Variants in POTEI observed in about 807,000 individuals in gnomAD.
POTEI encodes POTE ankyrin domain family, member I.
POTEI carries 14 observed loss-of-function variants against 43.4 expected under a neutral mutation model. That is an observed-to-expected ratio of 0.32 (90% confidence interval 0.21 to 0.50). POTEI has a LOEUF of 0.50. Ranked by LOEUF, POTEI falls within the 20% of genes least tolerant of loss-of-function variation. The pLI, the probability that POTEI is intolerant of heterozygous loss-of-function variation, is 0.98. For missense variants in POTEI, 235 were observed against 795.4 expected (o/e 0.30, Z 8.47); for synonymous variants, 95 against 297.9 (o/e 0.32, Z 7.01).
At chr2:130,464,794 C>T (rs1682786086) in intron 14 of POTEI, among the ~76,000 whole-genome samples, 1 of 148,682 alleles carries the variant, frequency 6.7e-6, no homozygotes, top group Non-Finnish European at 1.5e-5. Context: ...ACACTGAACT[C>T]ATTTAAGATC....
chr2:130,461,594 C>T lies in POTEI; in HGVS notation c.*1222G>A, dbSNP rs1354657349. The T allele has an allele frequency of 6.6e-6, 1 of 152,172 alleles. No homozygotes were observed. The highest frequency in any genetic ancestry group is 1.5e-5 in the Non-Finnish European group (1 of 68,050). The allele number at this position is 152,172 out of a possible 1,614,324, so 9.4% of individuals were successfully genotyped here. The stretch of plus-strand genomic sequence containing the variant: ...AGCAAAGGTGGGGGCCTGCCCCTCT[C>T]CGGGAGCTCTGTCCCAGGAACATTT... On this transcript the variant is annotated 3_prime_UTR_variant, in exon 15 of 15. Coordinates refer to ENST00000451531, the MANE Select transcript of POTEI (RefSeq NM_001277406.2).
rs200337322 is a variant in POTEI at position 130,463,640 on chromosome 2, G to T, written c.2404C>A (p.Pro802Thr). ...NELRVAPEEH[P>T]ILLTEAPLNP... is the part of the protein sequence containing the mutation. ...AGGGGGGCCTCGGTCAGCAGGATGG[G>T]GTGCTCCTCAGGGGCCACACGCAGC... The change falls in exon 15 of 15, where the codon CCC (proline) becomes ACC (threonine). Residue 802 changes from proline to threonine, a missense_variant. Coordinates refer to ENST00000451531, the MANE Select transcript of POTEI (RefSeq NM_001277406.2). 253 of 1,607,514 alleles carry T rather than the reference G, an allele frequency of 1.6e-4. No homozygotes were observed. Among genetic ancestry groups the T allele is most frequent in the Non-Finnish European group, 2.0e-4 (234 of 1,179,480 alleles).
At chr2:130,483,339 G>A (rs1175608886) in intron 9 of POTEI, among the ~76,000 whole-genome samples, 9 of 35,844 alleles carry the variant, frequency 2.5e-4, no homozygotes, top group African/African-American at 5.3e-4. Flanking sequence ...CAGCCTGGGC[G>A]ATACAGTGAG....
intron 13 of POTEI, among the ~76,000 whole-genome samples, chr2:130,468,704 G>GTA (rs780514042): frequency 1.3e-5 from 1 of 76,154 alleles, no homozygotes; most frequent in Non-Finnish European, 2.5e-5. Context: ...CCAAACTATT[G>GTA]GGGGGGGGGG....
intron 6 of POTEI, among the ~76,000 whole-genome samples, chr2:130,491,816 T>A (rs1816692): frequency 5.2e-5 from 5 of 95,908 alleles, no homozygotes; most frequent in Admixed American, 1.3e-4. Flanking sequence ...CATCATGCCC[T>A]GCTAATTTTC....
rs1226743977 is a variant in POTEI, at chr2:130,477,703, C to G, written c.1481-1002G>C. On this transcript the variant is annotated intron_variant, in intron 10 of 14. Coordinates refer to ENST00000451531, the MANE Select transcript of POTEI (RefSeq NM_001277406.2). ...ATATTTTATTGAGTCCTGCTAAATA[C>G]ATGCTAGGCATTAGGGTTTAAAAAG... 7.5e-5 allele frequency among the ~76,000 whole-genome samples: 10 copies of G among 133,652 alleles called. No homozygotes were observed. The East Asian group carries it at 1.4e-3, about 18-fold the overall frequency. 87.7% of individuals were successfully genotyped at this position (133,652 alleles called of 152,430 possible). A position where few individuals can be genotyped will look rare whatever the true frequency, so the allele number is the denominator to read the frequency against.
At chr2:130,474,747 A>G (rs1384515790) in intron 12 of POTEI, among the ~76,000 whole-genome samples, 160 bp downstream of exon 12, 9 of 97,544 alleles carry the variant, frequency 9.2e-5, no homozygotes, top group African/African-American at 2.8e-4. Flanking sequence ...CACCTCTTCA[A>G]AATTCAATGT....
intron 7 of POTEI, among the ~76,000 whole-genome samples, chr2:130,489,643 T>C (rs1462447514): frequency 1.3e-3 from 12 of 9,138 alleles, no homozygotes; most frequent in African/African-American, 1.4e-3. Flanking sequence ...AGATGATTTG[T>C]AGTGTTCCAA....
At chr2:130,483,833 G>A (rs1396064729) in intron 9 of POTEI, among the ~76,000 whole-genome samples, 2 of 150,306 alleles carry the variant, frequency 1.3e-5, no homozygotes, top group African/African-American at 5.0e-5. Context: ...CGCCTGCCTC[G>A]GCCTCCCAAA....
At position 130,508,980 on chromosome 2, in the gene POTEI, G is replaced by T. The variant is rs1293057023; in HGVS notation, c.256C>A (p.His86Asn). Residue 86 changes from histidine to asparagine, a missense_variant, in exon 1 of 15, where the codon CAC (histidine) becomes AAC (asparagine). Transcript: ENST00000451531. ...GKSNVGTSGD[H>N]DDSAMKTLRS... is the part of the protein sequence containing the mutation. ...AGCGTCTTCATAGCGGAGTCGTCGT[G>T]GTCTCCAGAAGTGCCCACGTTGCTC... 6.6e-7 allele frequency: 1 copy of T among 1,511,928 alleles called. No homozygotes were observed. Among genetic ancestry groups the T allele is most frequent in the Non-Finnish European group, 9.0e-7 (1 of 1,105,014 alleles). 93.7% of individuals were successfully genotyped at this position (1,511,928 alleles called of 1,614,324 possible). A position where few individuals can be genotyped will look rare whatever the true frequency, so the allele number is the denominator to read the frequency against.
Position 130,460,331 on chromosome 2 carries a change from C to G in POTEI, c.*2485G>C, listed in dbSNP as rs535238960. 18 of 152,162 alleles carry G rather than the reference C, an allele frequency of 1.2e-4. 1 individual carries two copies. Among genetic ancestry groups the G allele is most frequent in the African/African-American group, 4.3e-4 (18 of 41,442 alleles). The allele number at this position is 152,162 out of a possible 1,614,324, so 9.4% of individuals were successfully genotyped here. On this transcript the variant is annotated 3_prime_UTR_variant, in exon 15 of 15. Transcript: ENST00000451531. ...CCCAGCACAGCACAGCCGCTCTACA[C>G]AAACGTGGCTAGACTTCTTTTATTA...
chr2:130,496,749 A>T, intron 5 of POTEI, 127 bp from the exon 6 acceptor site: 1 of 586,122 alleles, frequency 1.7e-6, no homozygotes, highest in South Asian at 2.1e-5. Context: ...GTATTATCCC[A>T]TCCACTTATG....
chr2:130,505,106 C>T (rs1684121757), intron 1 of POTEI, among the ~76,000 whole-genome samples: 1 of 150,012 alleles, frequency 6.7e-6, no homozygotes, highest in Non-Finnish European at 1.5e-5. Flanking sequence ...TGTGTTCCTT[C>T]CCTCTAGGTA....
At chr2:130,493,054 C>T (rs1227614019) in intron 6 of POTEI, among the ~76,000 whole-genome samples, 1 of 122,234 alleles carries the variant, frequency 8.2e-6, no homozygotes, top group African/African-American at 2.8e-5. Flanking sequence ...AAATGCCCTG[C>T]TAAAGGGATT....
chr2:130,482,784 GATCA>G (rs1294209985), intron 9 of POTEI, among the ~76,000 whole-genome samples: 1 of 146,438 alleles, frequency 6.8e-6, no homozygotes, highest in Admixed American at 6.9e-5. Context: ...TTACGGAGTT[GATCA>G]ATCACGCCAA....
At chr2:130,493,125 T>C (rs1185521435) in intron 6 of POTEI, among the ~76,000 whole-genome samples, 2 of 91,054 alleles carry the variant, frequency 2.2e-5, no homozygotes, top group African/African-American at 7.1e-5. Context: ...GAAAATGATT[T>C]TTTAGAAGTC....
chr2:130,486,858 A>C (rs1683590747), intron 9 of POTEI, among the ~76,000 whole-genome samples: 1 of 125,924 alleles, frequency 7.9e-6, no homozygotes, highest in Non-Finnish European at 1.7e-5. Flanking sequence ...AGCAGATGAA[A>C]GATCCTTTGA....
intron 10 of POTEI, among the ~76,000 whole-genome samples, chr2:130,477,375 C>T (rs62163590): frequency 0.079 from 11,579 of 146,106 alleles, no homozygotes; most frequent in Non-Finnish European, 0.12. Flanking sequence ...TGGTCTCGAT[C>T]TCCTGACCTC....
chr2:130,474,600 C>G, intron 12 of POTEI, 41 bp from the exon 13 acceptor site: 1 of 274,570 alleles, frequency 3.6e-6, no homozygotes, highest in African/African-American at 2.6e-5. Context: ...ACTTTAGGCA[C>G]ATTATCTACT....
Sources: gnomAD v4.1 joint callset for allele counts (sites outside exome capture counted in the v4.1 genomes callset) on GRCh38, gnomAD v4.1.1 for gene constraint, MANE v1.5 for transcripts, NCBI Gene and HGNC (gene_info 2026-07-23, HGNC 2026-07-21) for gene names.